JAK2: variants seen among roughly 807,000 people sequenced by gnomAD.
JAK2 encodes the protein Janus kinase 2.
In JAK2, 86 loss-of-function variants were observed where a neutral mutation model predicts 139.3. The observed-to-expected ratio is 0.62, with a 90% confidence interval of 0.52 to 0.74. The LOEUF (loss-of-function observed/expected upper bound fraction) is 0.74. Among genes scored for constraint, JAK2 ranks in the 30% least tolerant of loss-of-function variants. JAK2 has a pLI of 0.00. For synonymous variants in JAK2, 490 were observed against 437.7 expected (o/e 1.12, Z -1.49); for missense variants, 1,421 against 1,360.3 (o/e 1.04, Z -0.70).
intron 2 of JAK2, among the ~76,000 whole-genome samples, chr9:5,000,242 G>A (rs2129828882): frequency 6.6e-6 from 1 of 151,978 alleles, no homozygotes; most frequent in East Asian, 1.9e-4. Flanking sequence ...TCACTTAGAT[G>A]TGGGGTTTAG....
chr9:5,009,431 T>A (rs573088860), intron 2 of JAK2, among the ~76,000 whole-genome samples: 1 of 152,052 alleles, frequency 6.6e-6, no homozygotes, highest in Admixed American at 6.6e-5. Context: ...TCATTACTAG[T>A]CAGGATTTTT....
At chr9:5,126,552 A>G in intron 24 of JAK2, 106 bp downstream of exon 24, 1 of 948,662 alleles carries the variant, frequency 1.1e-6, no homozygotes, top group South Asian at 1.6e-5. Flanking sequence ...TTCCAGATAA[A>G]CAGCATAATC....
rs1824035248 is a variant in JAK2 at position 5,126,876 on chromosome 9, T to C, written c.*85T>C. On this transcript the variant is annotated 3_prime_UTR_variant, in exon 25 of 25. Coordinates refer to ENST00000381652, the MANE Select transcript of JAK2 (RefSeq NM_004972.4). Reference sequence around the variant, plus strand: ...CATTGCTGTGGACTATTATTACATATATCATTATTATATAAATCATGATGC... The same window carrying C: ...CATTGCTGTGGACTATTATTACATACATCATTATTATATAAATCATGATGC... The C allele has an allele frequency of 3.0e-6, 2 of 662,090 alleles. No homozygotes were observed. The highest frequency in any genetic ancestry group is 5.0e-6 in the Non-Finnish European group (2 of 396,056). The allele number at this position is 662,090 out of a possible 1,614,324, so 41.0% of individuals were successfully genotyped here.
At chr9:5,024,391 T>A (rs1371007746) in intron 3 of JAK2, among the ~76,000 whole-genome samples, 1 of 151,852 alleles carries the variant, frequency 6.6e-6, no homozygotes, top group Non-Finnish European at 1.5e-5. Context: ...AACAAAAAAC[T>A]CTTTCAGTCT....
intron 22 of JAK2, among the ~76,000 whole-genome samples, chr9:5,104,288 C>T (rs1586801841): frequency 6.6e-6 from 1 of 152,198 alleles, no homozygotes; most frequent in East Asian, 1.9e-4. Context: ...ATTAACACCT[C>T]TACACAAATA....
chr9:5,086,980 G>A (rs770266450), intron 19 of JAK2, among the ~76,000 whole-genome samples: 2 of 151,946 alleles, frequency 1.3e-5, no homozygotes, highest in Admixed American at 6.5e-5. Flanking sequence ...TCCTAGTACG[G>A]GAACAATACA....
At chr9:5,107,196 T>C (rs1822034071) in intron 22 of JAK2, among the ~76,000 whole-genome samples, 1 of 152,116 alleles carries the variant, frequency 6.6e-6, no homozygotes, top group Non-Finnish European at 1.5e-5. Flanking sequence ...TCCAATCAAC[T>C]AGTTTCGATA....
At chr9:5,099,977 T>C (rs1216533165) in intron 22 of JAK2, 1 of 152,198 alleles carries the variant, frequency 6.6e-6, no homozygotes, top group Non-Finnish European at 1.5e-5. Flanking sequence ...ATCCCTATAC[T>C]AGTAATCATT....
rs540650139 is a variant in JAK2 at position 4,990,755 on chromosome 9, A to G, written c.-26+4733A>G. ...TGTTTTTCCTAATAAGAAATCTATA[A>G]AAACAGAAGAAAATTGCTTATACTT... is the stretch of plus-strand genomic sequence containing the variant. On this transcript the variant is annotated intron_variant, in intron 2 of 24. Coordinates refer to ENST00000381652, the MANE Select transcript of JAK2 (RefSeq NM_004972.4). 7.2e-5 allele frequency among the ~76,000 whole-genome samples: 11 copies of G among 152,304 alleles called. No homozygotes were observed. In the South Asian group the frequency reaches 2.3e-3, roughly 32 times the overall value.
chr9:5,065,415 C>G (rs1167799991), intron 9 of JAK2, among the ~76,000 whole-genome samples: 16 of 152,154 alleles, frequency 1.1e-4, no homozygotes, highest in Admixed American at 1.0e-3. Flanking sequence ...CCATCTCCTT[C>G]TACTGAAAGG....
chr9:4,999,869 T>G (rs772239907), intron 2 of JAK2, among the ~76,000 whole-genome samples: 1 of 152,256 alleles, frequency 6.6e-6, no homozygotes, highest in African/African-American at 2.4e-5. Flanking sequence ...TTATTAGATA[T>G]GCATGCTACT....
intron 8 of JAK2, among the ~76,000 whole-genome samples, chr9:5,060,944 A>C (rs941603714): frequency 6.6e-6 from 1 of 152,356 alleles, no homozygotes; most frequent in East Asian, 1.9e-4. Flanking sequence ...TTGTGTCACC[A>C]GGTCTGAAAA....
At chr9:5,100,951 C>T (rs962016423) in intron 22 of JAK2, 6 of 152,286 alleles carry the variant, frequency 3.9e-5, no homozygotes, top group African/African-American at 1.4e-4. Context: ...CAGTCTGCAG[C>T]TCCCAGCATG....
intron 19 of JAK2, among the ~76,000 whole-genome samples, chr9:5,086,402 A>C (rs1017121178): frequency 2.0e-5 from 3 of 152,236 alleles, no homozygotes; most frequent in African/African-American, 7.2e-5. Flanking sequence ...TGGGATTCAG[A>C]GATCAGGATC....
chr9:5,064,193 T>C (rs16922576), intron 8 of JAK2, among the ~76,000 whole-genome samples: 38,115 of 151,680 alleles, frequency 0.25, 5,169 homozygotes, highest in South Asian at 0.31. Context: ...TAGCTACATA[T>C]CCTAACATTT....
At chr9:5,107,892 G>C (rs1225158998) in intron 22 of JAK2, 2 of 151,976 alleles carry the variant, frequency 1.3e-5, no homozygotes, top group South Asian at 4.2e-4. Context: ...AACACATACG[G>C]CCTAGATTAC....
intron 5 of JAK2, among the ~76,000 whole-genome samples, chr9:5,048,097 T>C (rs746579346): frequency 4.6e-5 from 7 of 152,312 alleles, no homozygotes; most frequent in South Asian, 2.1e-4. Flanking sequence ...ATGACTTCCA[T>C]AGAATTTCCA....
At chr9:5,017,314 C>T (rs980852724) in intron 2 of JAK2, among the ~76,000 whole-genome samples, 1 of 152,118 alleles carries the variant, frequency 6.6e-6, no homozygotes, top group African/African-American at 2.4e-5. Flanking sequence ...AGACCCAAAA[C>T]AATGATGAGC....
rs1222745990 is a variant in JAK2, at chr9:5,128,159, A to G, written c.*1368A>G. The G allele has an allele frequency of 1.3e-5, 3 of 232,102 alleles. No homozygotes were observed. The highest frequency in any genetic ancestry group is 4.4e-5 in the African/African-American group (2 of 45,146). 14.4% of individuals were successfully genotyped at this position (232,102 alleles called of 1,614,324 possible). On this transcript the variant is annotated 3_prime_UTR_variant, in exon 25 of 25. Transcript: ENST00000381652. ...ACTTAAAATACTTGCTGTTTTGATT[A>G]AAAAGAAAATAGTTTCTTACTTTAT...
Sources: allele counts gnomAD v4.1 joint callset (sites outside exome capture counted in the v4.1 genomes callset), GRCh38; gene constraint gnomAD v4.1.1; transcripts MANE v1.5; gene names NCBI Gene and HGNC (gene_info 2026-07-23, HGNC 2026-07-21).